The following ETV6 variants were observed in gnomAD, a reference collection of about 807,000 sequenced individuals.
The protein encoded by ETV6 is ETS variant transcription factor 6.
In ETV6, 16 loss-of-function variants were observed where a neutral mutation model predicts 51.1. The ratio of observed to expected loss-of-function variants is 0.31; its 90% CI spans 0.21 to 0.48. ETV6 has a LOEUF of 0.48. Among genes scored for constraint, ETV6 ranks in the 20% least tolerant of loss-of-function variants. The probability of loss-of-function intolerance (pLI) is 0.99; values close to 1 mark genes in which losing one functional copy is unlikely to be tolerated. For synonymous variants in ETV6, 240 were observed against 224.1 expected (o/e 1.07, Z -0.64); for missense variants, 458 against 594.8 (o/e 0.77, Z 2.39).
At chr12:11,766,700 G>T (rs1478269383) in intron 2 of ETV6, among the ~76,000 whole-genome samples, 2 of 151,382 alleles carry the variant, frequency 1.3e-5, no homozygotes, top group Non-Finnish European at 2.9e-5. Flanking sequence ...CCAAGACACA[G>T]AAATGACCTC....
intron 1 of ETV6, among the ~76,000 whole-genome samples, chr12:11,723,655 A>G (rs2856324): frequency 0.5 from 76,354 of 151,654 alleles, 20,845 homozygotes; most frequent in Middle Eastern, 0.64. Flanking sequence ...AAAATCAAAC[A>G]GGGTTTATCT....
intron 2 of ETV6, 39 bp downstream of exon 2, chr12:11,752,618 G>A (rs756924424): frequency 3.2e-6 from 5 of 1,584,036 alleles, no homozygotes; most frequent in South Asian, 1.1e-5. Flanking sequence ...AGGATTGATG[G>A]CGTGGGGCGG....
intron 1 of ETV6, among the ~76,000 whole-genome samples, chr12:11,686,915 T>C (rs143322073): frequency 1.5e-4 from 23 of 152,152 alleles, no homozygotes; most frequent in African/African-American, 5.3e-4. Flanking sequence ...TTAGACAGAG[T>C]GTAACTCTCA....
intron 6 of ETV6, among the ~76,000 whole-genome samples, chr12:11,885,705 C>G (rs1255849194): frequency 6.6e-6 from 1 of 152,164 alleles, no homozygotes; most frequent in Non-Finnish European, 1.5e-5. Flanking sequence ...AAGGGTGATT[C>G]ACCTTAGGAG....
chr12:11,815,003 A>G (rs1945970347), intron 2 of ETV6, among the ~76,000 whole-genome samples: 1 of 152,142 alleles, frequency 6.6e-6, no homozygotes, highest in Non-Finnish European at 1.5e-5. Context: ...CCTAAAGGAG[A>G]AGGAAACAGA....
chr12:11,806,850 T>C (rs888185455), intron 2 of ETV6, among the ~76,000 whole-genome samples: 5 of 152,254 alleles, frequency 3.3e-5, no homozygotes, highest in African/African-American at 1.2e-4. Flanking sequence ...CCAAAAATCC[T>C]GCGGAGCTCA....
chr12:11,715,436 A>G (rs928929041), intron 1 of ETV6, among the ~76,000 whole-genome samples: 18 of 152,290 alleles, frequency 1.2e-4, no homozygotes, highest in African/African-American at 4.3e-4. Context: ...ATCACCTTCA[A>G]TCCTCACAAC....
At chr12:11,676,966 G>A (rs1187024268) in intron 1 of ETV6, among the ~76,000 whole-genome samples, 1 of 152,196 alleles carries the variant, frequency 6.6e-6, no homozygotes, top group African/African-American at 2.4e-5. Flanking sequence ...GTCAGACATC[G>A]CCTGTTGTTA....
rs74062354 is a variant in ETV6 at position 11,667,062 on chromosome 12, T to A, written c.33+16902T>A. 1.7e-3 allele frequency among the ~76,000 whole-genome samples: 253 copies of A among 152,280 alleles called. 3 individuals carry two copies. Among genetic ancestry groups the A allele is most frequent in the African/African-American group, 5.7e-3 (235 of 41,550 alleles). On this transcript the variant is annotated intron_variant, in intron 1 of 7. Coordinates refer to ENST00000396373, the MANE Select transcript of ETV6 (RefSeq NM_001987.5). ...TGTATATGAATGTGAAAATACACAT[T>A]TAAGAAGCTGCTCAGGTAGGGGCAG... is the stretch of plus-strand genomic sequence containing the variant.
rs1173910413 is a variant in ETV6, at chr12:11,894,403, G to A, written c.*3357G>A. 2 of 223,392 alleles carry A rather than the reference G, an allele frequency of 9.0e-6. No individual in the cohort carries two copies. The highest frequency in any genetic ancestry group is 1.8e-5 in the Non-Finnish European group (2 of 113,232). The allele number at this position is 223,392 out of a possible 1,614,324, so 13.8% of individuals were successfully genotyped here. The stretch of plus-strand genomic sequence containing the variant: ...AATTGGCTAGACTGGCTATGTTGAA[G>A]GTAACATGAACTCTAAGATCTTGAC... On this transcript the variant is annotated 3_prime_UTR_variant, in exon 8 of 8. Coordinates refer to ENST00000396373, the MANE Select transcript of ETV6 (RefSeq NM_001987.5).
chr12:11,789,994 G>C (rs577270478), intron 2 of ETV6, among the ~76,000 whole-genome samples: 8 of 151,960 alleles, frequency 5.3e-5, no homozygotes, highest in African/African-American at 1.9e-4. Flanking sequence ...TCTTTCTCCA[G>C]AACTCCCATT....
At position 11,832,411 on chromosome 12, in the gene ETV6, G is replaced by A. The variant is rs116053589; in HGVS notation, c.164-6729G>A. Among the ~76,000 whole-genome samples, 155 of 152,300 alleles carry A rather than the reference G, an allele frequency of 1.0e-3. 1 individual carries two copies. The highest frequency in any genetic ancestry group is 3.5e-3 in the African/African-American group (146 of 41,564). ...CCCGGACAAATGACATCCCAGGGTC[G>A]AGAACTCAGAGGGGTGAAAGATAAG... On this transcript the variant is annotated intron_variant, in intron 2 of 7. Transcript: ENST00000396373.
chr12:11,780,079 C>T lies in ETV6; in HGVS notation c.163+27500C>T, dbSNP rs557745623. ...ACAAAAGAGTTAATTAGAAACCATT[C>T]CTTTTCTCTCTTTCTGGTACAGAGA... On this transcript the variant is annotated intron_variant, in intron 2 of 7. Coordinates refer to ENST00000396373, the MANE Select transcript of ETV6 (RefSeq NM_001987.5). Among the ~76,000 whole-genome samples the T allele has an allele frequency of 3.3e-5, 5 of 152,342 alleles. No homozygotes were observed. In the East Asian group the frequency reaches 9.6e-4, roughly 29 times the overall value.
chr12:11,727,058 C>T (rs943327901), intron 1 of ETV6, among the ~76,000 whole-genome samples: 3 of 152,198 alleles, frequency 2.0e-5, no homozygotes, highest in Non-Finnish European at 2.9e-5. Context: ...AGAAAGGGCA[C>T]GCACAGTGGC....
chr12:11,670,216 A>G (rs2120691638), intron 1 of ETV6, among the ~76,000 whole-genome samples: 1 of 152,358 alleles, frequency 6.6e-6, no homozygotes, highest in East Asian at 1.9e-4. Context: ...TTCAGGAAGA[A>G]GGGAAAAACA....
chr12:11,816,730 A>G (rs2710292), intron 2 of ETV6, among the ~76,000 whole-genome samples: 89,164 of 152,034 alleles, frequency 0.59, 26,206 homozygotes, highest in Non-Finnish European at 0.62. Context: ...CAGCTAAGCC[A>G]AAGGATGGTG....
chr12:11,650,174 C>T lies in ETV6; in HGVS notation c.33+14C>T, dbSNP rs776063722. 131 of 1,611,408 alleles carry T rather than the reference C, an allele frequency of 8.1e-5. No homozygotes were observed. Among genetic ancestry groups the T allele is most frequent in the Non-Finnish European group, 9.8e-5 (116 of 1,177,812 alleles). Reference sequence around the variant, plus strand: ...TGTAGCATTAAGGTAAAAATCTTCTCCCCTCCTTCTACGTGGTGGAAACCC... The same window carrying T: ...TGTAGCATTAAGGTAAAAATCTTCTTCCCTCCTTCTACGTGGTGGAAACCC... On this transcript the variant is annotated intron_variant, in intron 1 of 7. Coordinates refer to ENST00000396373, the MANE Select transcript of ETV6 (RefSeq NM_001987.5).
At chr12:11,860,235 G>T (rs1352723882) in intron 4 of ETV6, among the ~76,000 whole-genome samples, 1 of 152,186 alleles carries the variant, frequency 6.6e-6, no homozygotes, top group Non-Finnish European at 1.5e-5. Context: ...AAACCCACTC[G>T]ATTCTCTAGT....
chr12:11,768,244 G>C (rs553074451), intron 2 of ETV6, among the ~76,000 whole-genome samples: 1 of 152,056 alleles, frequency 6.6e-6, no homozygotes, highest in Non-Finnish European at 1.5e-5. Context: ...TTCTAAGCAC[G>C]CTTTTTGATT....
Sources: allele counts gnomAD v4.1 joint callset (sites outside exome capture counted in the v4.1 genomes callset), GRCh38; gene constraint gnomAD v4.1.1; transcripts MANE v1.5; gene names NCBI Gene and HGNC (gene_info 2026-07-23, HGNC 2026-07-21).